The following COL15A1 variants were observed in gnomAD, a reference collection of about 807,000 sequenced individuals.
COL15A1 encodes the protein collagen alpha-1(XV) chain.
A neutral mutation model predicts 165.9 loss-of-function variants in COL15A1; 111 were observed. The ratio of observed to expected loss-of-function variants is 0.67; its 90% CI spans 0.57 to 0.78. The LOEUF (loss-of-function observed/expected upper bound fraction) is 0.78. Among genes scored for constraint, COL15A1 ranks in the 30% least tolerant of loss-of-function variants. The pLI is 0.00. For missense variants in COL15A1, 1,745 were observed against 1,789.7 expected (o/e 0.98, Z 0.45); for synonymous variants, 659 against 674.8 (o/e 0.98, Z 0.36).
intron 2 of COL15A1, among the ~76,000 whole-genome samples, chr9:98,976,211 T>C (rs556928307): frequency 6.6e-6 from 1 of 152,316 alleles, no homozygotes; most frequent in Admixed American, 6.5e-5. Flanking sequence ...GAAAAGTAAG[T>C]TGAAAACCCC....
chr9:98,963,381 C>A (rs567145766), intron 2 of COL15A1, among the ~76,000 whole-genome samples: 1 of 152,120 alleles, frequency 6.6e-6, no homozygotes, highest in East Asian at 1.9e-4. Flanking sequence ...AAATTGCAGA[C>A]GGGAAGATGG....
chr9:99,023,113 T>G (rs1839055407), intron 13 of COL15A1, among the ~76,000 whole-genome samples: 1 of 149,202 alleles, frequency 6.7e-6, no homozygotes, highest in African/African-American at 2.5e-5. Context: ...GAAGGATGAG[T>G]TGGGAATTGA....
chr9:99,010,149 G>A (rs1351176771), intron 9 of COL15A1, among the ~76,000 whole-genome samples: 1 of 152,216 alleles, frequency 6.6e-6, no homozygotes, highest in African/African-American at 2.4e-5. Flanking sequence ...ATCTGTAGGT[G>A]AGGCTTTAAC....
chr9:98,987,192 C>A, intron 3 of COL15A1, 102 bp from the exon 4 acceptor site: 2 of 1,142,414 alleles, frequency 1.8e-6, no homozygotes, highest in Non-Finnish European at 2.6e-6. Flanking sequence ...CATTCCCACG[C>A]TTTTACCTGT....
rs149740999 is a variant in COL15A1, at chr9:98,999,483, G to A, written c.953-1356G>A. Among the ~76,000 whole-genome samples the A allele has an allele frequency of 1.1e-3, 172 of 152,070 alleles. 1 individual carries two copies. Among genetic ancestry groups the A allele is most frequent in the African/African-American group, 3.5e-3 (146 of 41,486 alleles). ...TGGCATGGGCCCAGCCATAACAGGC[G>A]TGCAGTCATGGTAGTACAACTTCTT... is the stretch of plus-strand genomic sequence containing the variant. On this transcript the variant is annotated intron_variant, in intron 6 of 41. Transcript: ENST00000375001.
chr9:98,968,849 C>T (rs1837998081), intron 2 of COL15A1, among the ~76,000 whole-genome samples: 1 of 152,178 alleles, frequency 6.6e-6, no homozygotes, highest in Non-Finnish European at 1.5e-5. Context: ...GTTCCAGCTT[C>T]TGGTCAGCTG....
chr9:99,014,874 C>A (rs1422724314), intron 9 of COL15A1, among the ~76,000 whole-genome samples: 2 of 152,162 alleles, frequency 1.3e-5, no homozygotes. Context: ...AGATAAAAGA[C>A]AAATGATTGC....
At chr9:98,991,719 A>G (rs1838435008) in intron 5 of COL15A1, among the ~76,000 whole-genome samples, 1 of 152,236 alleles carries the variant, frequency 6.6e-6, no homozygotes, top group African/African-American at 2.4e-5. Flanking sequence ...TAGATTAGCT[A>G]GACACAGAGA....
intron 5 of COL15A1, among the ~76,000 whole-genome samples, chr9:98,996,656 G>A (rs146954455): frequency 1.8e-3 from 274 of 152,260 alleles, no homozygotes; most frequent in African/African-American, 6.2e-3. Flanking sequence ...CCTGGGATTT[G>A]GGAATCACAG....
At chr9:99,020,349 T>C in intron 11 of COL15A1, 40 bp from the exon 12 acceptor site, 5 of 1,509,782 alleles carry the variant, frequency 3.3e-6, no homozygotes, top group Non-Finnish European at 4.6e-6. Flanking sequence ...ATGTCCCAAA[T>C]ATGTTGTGGC....
chr9:98,990,675 G>A (rs7035837), intron 5 of COL15A1, among the ~76,000 whole-genome samples: 11,871 of 152,274 alleles, frequency 0.078, 1,175 homozygotes, highest in African/African-American at 0.22. Flanking sequence ...GATGATCACA[G>A]GGGACAGAAG....
chr9:99,040,525 C>G lies in COL15A1; in HGVS notation c.2480C>G (p.Pro827Arg). 6.2e-7 allele frequency: 1 copy of G among 1,614,160 alleles called. No homozygotes were observed. The highest frequency in any genetic ancestry group is 1.1e-5 in the South Asian group (1 of 91,074). Residue 827 changes from proline (P) to arginine (R), a missense_variant, in exon 23 of 42, where the codon CCG becomes CGG. Pro to Arg is a moderately radical substitution (Grantham distance 103). Transcript: ENST00000375001. The stretch of plus-strand genomic sequence containing the variant: ...TCTATCTTTGGTGTGTCACAGGGGC[C>G]GGACGGGTTGCCTGGGCTGCCAGGA... ...DIPELVGPPG[P>R]DGLPGLPGFP...
intron 16 of COL15A1, among the ~76,000 whole-genome samples, chr9:99,029,670 T>C (rs1218846710): frequency 6.6e-6 from 1 of 152,208 alleles, no homozygotes; most frequent in Non-Finnish European, 1.5e-5. Context: ...ACTCCTGTAA[T>C]CCCAGCACTT....
intron 31 of COL15A1, among the ~76,000 whole-genome samples, 186 bp downstream of exon 31, chr9:99,052,619 G>A (rs1234763474): frequency 6.6e-6 from 1 of 152,184 alleles, no homozygotes; most frequent in Non-Finnish European, 1.5e-5. Context: ...GGTCACACAT[G>A]TGCCTATTCT....
chr9:99,030,266 T>G (rs1317748190), intron 16 of COL15A1, among the ~76,000 whole-genome samples: 1 of 152,258 alleles, frequency 6.6e-6, no homozygotes, highest in African/African-American at 2.4e-5. Context: ...ATTTCATCAC[T>G]TTTAAAACCA....
At position 99,069,793 on chromosome 9, in the gene COL15A1, G is replaced by A. The variant is rs140871030; in HGVS notation, c.4074G>A (p.Thr1358=). Reference sequence around the variant, plus strand: ...CGGGACTTGCCTCCCCGCTGAGCACGGGGAAGATTCTGGACCAGAAAGCAT... The same window carrying A: ...CGGGACTTGCCTCCCCGCTGAGCACAGGGAAGATTCTGGACCAGAAAGCAT... ...AVTGLASPLS[T]GKILDQKAYS... Residue 1358 remains threonine, a synonymous_variant, in exon 42 of 42, where the codon ACG becomes ACA. Coordinates refer to ENST00000375001, the MANE Select transcript of COL15A1 (RefSeq NM_001855.5). 19 of 1,614,118 alleles carry A rather than the reference G, an allele frequency of 1.2e-5. No homozygotes were observed. The highest frequency in any genetic ancestry group is 4.0e-5 in the African/African-American group (3 of 74,950).
intron 36 of COL15A1, 28 bp from the exon 37 acceptor site, chr9:99,061,943 A>G (rs969006917): frequency 6.2e-7 from 1 of 1,602,526 alleles, no homozygotes. Context: ...TGATAATGGC[A>G]GTGTTTGGAA....
intron 30 of COL15A1, among the ~76,000 whole-genome samples, chr9:99,050,512 A>G (rs972153123): frequency 1.3e-5 from 2 of 152,208 alleles, no homozygotes; most frequent in Admixed American, 6.5e-5. Context: ...CCGGCCCCCC[A>G]GCCATTGAGC....
At chr9:99,045,585 G>A (rs1470543284) in intron 26 of COL15A1, among the ~76,000 whole-genome samples, 1 of 152,174 alleles carries the variant, frequency 6.6e-6, no homozygotes, top group Admixed American at 6.5e-5. Flanking sequence ...CTGTACTGAT[G>A]CTTCACATAG....
Sources: allele counts gnomAD v4.1 joint callset (sites outside exome capture counted in the v4.1 genomes callset), GRCh38; gene constraint gnomAD v4.1.1; transcripts MANE v1.5; gene names NCBI Gene and HGNC (gene_info 2026-07-23, HGNC 2026-07-21).